The following SUPV3L1 variants were observed in gnomAD, a reference collection of about 807,000 sequenced individuals.
The protein encoded by SUPV3L1 is ATP-dependent RNA helicase SUPV3L1, mitochondrial.
Under a neutral mutation model 70.0 loss-of-function variants are expected in SUPV3L1, and 35 were observed. That is an observed-to-expected ratio of 0.50 (90% CI 0.38 to 0.66). SUPV3L1 has a LOEUF of 0.66. SUPV3L1 is among the 30% of genes least tolerant of loss of function. The pLI, the probability that SUPV3L1 is intolerant of heterozygous loss-of-function variation, is 0.00. For missense variants in SUPV3L1, 777 were observed against 961.5 expected, an observed-to-expected ratio of 0.81 and a Z score of 2.54; for synonymous variants, 364 against 341.9, an observed-to-expected ratio of 1.06 and a Z score of -0.71.
Position 69,208,582 on chromosome 10 carries a change from A to C in SUPV3L1, c.1926-18A>C. ...CGATAAGAGCTGTTGCTATAATGCT[A>C]ATGTGTCTTTTTCCCAGCTACCGAT... is the stretch of plus-strand genomic sequence containing the variant. On this transcript the variant is annotated intron_variant, in intron 14 of 14. Transcript: ENST00000359655. 1 of 1,604,424 alleles carries C rather than the reference A, an allele frequency of 6.2e-7. No individual in the cohort carries two copies. The highest frequency in any genetic ancestry group is 1.1e-5 in the South Asian group (1 of 89,910).
intron 7 of SUPV3L1, 102 bp downstream of exon 7, chr10:69,195,367 CT>C: frequency 8.1e-6 from 6 of 740,680 alleles, no homozygotes; most frequent in Non-Finnish European, 1.2e-5. Flanking sequence ...CACCTAGAAC[CT>C]TTCTTTTTGA....
chr10:69,208,766 C>T lies in SUPV3L1; in HGVS notation c.2092C>T (p.Arg698Ter). Residue 698 changes from arginine (R) to a stop codon, truncating the protein, a stop_gained, in exon 15 of 15, where the codon CGA (arginine) becomes TGA (stop). Transcript: ENST00000359655. LOFTEE classifies it low-confidence loss of function (END_TRUNC). ...GGGCTTTCCATCAGGGAGCCAGTCA[C>T]GATTGTCAGGAACCTTAAAGAGCCA... is the stretch of plus-strand genomic sequence containing the variant. The part of the protein sequence containing the change: ...LEGFPSGSQS[R>*]LSGTLKSQAR... 2.5e-6 allele frequency: 4 copies of T among 1,614,110 alleles called. No homozygotes were observed. The highest frequency in any genetic ancestry group is 3.4e-6 in the Non-Finnish European group (4 of 1,180,038).
Position 69,180,254 on chromosome 10 carries a change from C to G in SUPV3L1, c.-38C>G, listed in dbSNP as rs749578566. ...TGCGCGTCACTGTCCGCCGCCGTGT[C>G]CGCGGCTGCGCCAGACAGTGTAGAA... is the stretch of plus-strand genomic sequence containing the variant. On this transcript the variant is annotated 5_prime_UTR_variant, in exon 1 of 15. Coordinates refer to ENST00000359655, the MANE Select transcript of SUPV3L1 (RefSeq NM_003171.5). 9.4e-6 allele frequency: 15 copies of G among 1,588,246 alleles called. No individual in the cohort carries two copies. Among genetic ancestry groups the G allele is most frequent in the Admixed American group, 1.7e-5 (1 of 57,348 alleles).
At chr10:69,185,932 T>C in intron 1 of SUPV3L1, 55 bp from the exon 2 acceptor site, 2 of 1,402,858 alleles carry the variant, frequency 1.4e-6, no homozygotes, top group Non-Finnish European at 2.0e-6. Context: ...CTTTTGCTTT[T>C]TTTCAGCATT....
At chr10:69,191,232 A>AT (rs11434528) in intron 5 of SUPV3L1, among the ~76,000 whole-genome samples, 73,526 of 130,120 alleles carry the variant, frequency 0.57, 21,602 homozygotes, top group Middle Eastern at 0.76. Context: ...AGCATTGGGA[A>AT]TTTTTTTTTT....
At chr10:69,188,722 CT>C (rs1842305443) in intron 4 of SUPV3L1, among the ~76,000 whole-genome samples, 1 of 152,158 alleles carries the variant, frequency 6.6e-6, no homozygotes, top group African/African-American at 2.4e-5. Context: ...TGGTCTCGAG[CT>C]CCTGACCTCA....
chr10:69,205,078 C>A (rs939675065), intron 13 of SUPV3L1, among the ~76,000 whole-genome samples: 4 of 152,096 alleles, frequency 2.6e-5, no homozygotes, highest in Admixed American at 6.6e-5. Flanking sequence ...GCCCTATCAA[C>A]GTTATCTTAA....
intron 1 of SUPV3L1, among the ~76,000 whole-genome samples, chr10:69,180,772 A>C (rs1469580860): frequency 6.6e-6 from 1 of 152,182 alleles, no homozygotes; most frequent in East Asian, 1.9e-4. Context: ...TCGTCCCAGA[A>C]GCGGCCTTTT....
At chr10:69,202,811 T>C (rs536636353) in intron 12 of SUPV3L1, 56 bp from the exon 13 acceptor site, 1,826 of 1,506,864 alleles carry the variant, frequency 1.2e-3, no homozygotes, top group Non-Finnish European at 1.6e-3. Flanking sequence ...ATGTTATTCA[T>C]TGTTCATTTT....
intron 3 of SUPV3L1, 115 bp downstream of exon 3, chr10:69,186,665 C>A: frequency 1.2e-6 from 1 of 805,338 alleles, no homozygotes; most frequent in Non-Finnish European, 2.0e-6. Flanking sequence ...CTGGTAACAT[C>A]CTCTGTAAAT....
intron 2 of SUPV3L1, 117 bp from the exon 3 acceptor site, chr10:69,186,326 A>T (rs182427456): frequency 5.4e-6 from 2 of 370,084 alleles, no homozygotes; most frequent in Admixed American, 1.2e-4. Context: ...CTGTACTGCC[A>T]AAAAAAAAAA....
rs1162921201 is a variant in SUPV3L1, at chr10:69,197,808, A to AT, written c.1024-562dup. On this transcript the variant is annotated intron_variant, in intron 8 of 14. Coordinates refer to ENST00000359655, the MANE Select transcript of SUPV3L1 (RefSeq NM_003171.5). ...GGTCTCGAACTCCAGTGCTCAAGCA[A>AT]TTCTCCCACCTTGGCCTCCCAAAGT... Among the ~76,000 whole-genome samples, 3 of 152,202 alleles carry AT rather than the reference A, an allele frequency of 2.0e-5. No homozygotes were observed. The East Asian group carries it at 5.8e-4, about 29-fold the overall frequency.
chr10:69,209,024 G>T lies in SUPV3L1; in HGVS notation c.2350G>T (p.Asp784Tyr). ...GACGAGAAGAAAGAAGAAGGAACCT[G>T]ATTCGGACTAGTTTTCTGTTCCTGT... The part of the protein sequence containing the change: ...KGTRRKKKEP[D>Y]SD The change falls in exon 15 of 15, where the codon GAT becomes TAT. Residue 784 changes from aspartate (D) to tyrosine (Y), a missense_variant. This residue lies in a region of SUPV3L1 where 619 missense variants were observed against 823.3 expected (regional missense o/e 0.75). Transcript: ENST00000359655. 6.5e-7 allele frequency: 1 copy of T among 1,538,098 alleles called. No homozygotes were observed. The highest frequency in any genetic ancestry group is 8.7e-7 in the Non-Finnish European group (1 of 1,145,138).
At chr10:69,201,515 C>T (rs1013687829) in intron 11 of SUPV3L1, among the ~76,000 whole-genome samples, 1 of 149,012 alleles carries the variant, frequency 6.7e-6, no homozygotes, top group Non-Finnish European at 1.5e-5. Flanking sequence ...TGGTTTTACC[C>T]TGGAAAACAG....
intron 14 of SUPV3L1, 60 bp downstream of exon 14, chr10:69,208,001 A>G: frequency 6.4e-7 from 1 of 1,572,266 alleles, no homozygotes; most frequent in Non-Finnish European, 8.6e-7. Context: ...TAAAGGTTTT[A>G]TGAATTTGTT....
In SUPV3L1 at chr10:69,209,032, C is replaced by G; in HGVS notation, c.2358C>G (p.Asp786Glu). Residue 786 changes from aspartate (D) to glutamate (E), a missense_variant, in exon 15 of 15, where the codon GAC becomes GAG. Physicochemically the swap from Asp to Glu is conservative, Grantham distance 45 (BLOSUM62 2). Around this residue, in one of 2 missense-constraint regions of SUPV3L1, gnomAD observed 619 missense variants for 823.3 expected, o/e 0.75. Coordinates refer to ENST00000359655, the MANE Select transcript of SUPV3L1 (RefSeq NM_003171.5). ...TRRKKKEPDS[D>E] ...GAAAGAAGAAGGAACCTGATTCGGA[C>G]TAGTTTTCTGTTCCTGTTTTTTTTT... is the stretch of plus-strand genomic sequence containing the variant. 6.5e-7 allele frequency: 1 copy of G among 1,537,818 alleles called. No individual in the cohort carries two copies. Among genetic ancestry groups the G allele is most frequent in the South Asian group, 1.2e-5 (1 of 80,602 alleles).
Position 69,200,290 on chromosome 10 carries a change from A to G in SUPV3L1, c.1309A>G (p.Arg437Gly). The change falls in exon 11 of 15, where the codon AGA (arginine) becomes GGA (glycine). Residue 437 changes from arginine (R) to glycine (G), a missense_variant. Around this residue, in one of 2 missense-constraint regions of SUPV3L1, gnomAD observed 619 missense variants for 823.3 expected, o/e 0.75. Coordinates refer to ENST00000359655, the MANE Select transcript of SUPV3L1 (RefSeq NM_003171.5). ...TTATTTCTGTTTCAGGAGCATAAGG[A>G]GAATTATTTTTTACTCCCTTATAAA... ...IGMGLNLSIR[R>G]IIFYSLIKPS... 6.2e-7 allele frequency: 1 copy of G among 1,613,128 alleles called. No individual in the cohort carries two copies.
At chr10:69,208,523 T>C in intron 14 of SUPV3L1, 77 bp from the exon 15 acceptor site, 1 of 1,382,576 alleles carries the variant, frequency 7.2e-7, no homozygotes, top group Non-Finnish European at 1.0e-6. Flanking sequence ...AATGTCATGA[T>C]GTAGGTGTGC....
intron 13 of SUPV3L1, among the ~76,000 whole-genome samples, chr10:69,206,730 C>T (rs1307306001): frequency 6.6e-6 from 1 of 152,150 alleles, no homozygotes; most frequent in East Asian, 1.9e-4. Context: ...GGAGGACAGC[C>T]AGGTGCGGTG....
Sources: allele counts gnomAD v4.1 joint callset (sites outside exome capture counted in the v4.1 genomes callset), GRCh38; gene constraint gnomAD v4.1.1; regional missense constraint gnomAD v4.1.1; transcripts MANE v1.5; gene names NCBI Gene and HGNC (gene_info 2026-07-23, HGNC 2026-07-21).